Variants in GRM4 observed in about 807,000 individuals in gnomAD.
GRM4 encodes the protein glutamate metabotropic receptor 4, also known as metabotropic glutamate receptor 4.
Under a neutral mutation model 81.7 loss-of-function variants are expected in GRM4, and 28 were observed. That is an observed-to-expected ratio of 0.34 (90% CI 0.25 to 0.47). The LOEUF is 0.47. GRM4 is among the 20% of genes least tolerant of loss of function. The pLI is 1.00. For synonymous variants in GRM4, 488 were observed against 528.8 expected (o/e 0.92, Z 1.06); for missense variants, 948 against 1,290.0 (o/e 0.73, Z 4.06).
rs145156156 is a variant in GRM4 at position 34,074,534 on chromosome 6, T to C, written c.737-12506A>G. On this transcript the variant is annotated intron_variant, in intron 3 of 10. Transcript: ENST00000538487. The surrounding 1 kb of genome is among the most constrained non-coding windows in gnomAD (Gnocchi z 4.9). ...CTCAGAGCTGAGCCCTGCCGTCCCC[T>C]GCCAGGAGAGGAGGCTGCTGGGCGG... 0.037 allele frequency among the ~76,000 whole-genome samples: 5,172 copies of C among 140,410 alleles called. 229 individuals carry two copies. Among genetic ancestry groups the C allele is most frequent in the African/African-American group, 0.11 (3,879 of 33,994 alleles). 92.1% of individuals were successfully genotyped at this position (140,410 alleles called of 152,430 possible).
intron 1 of GRM4, among the ~76,000 whole-genome samples, chr6:34,153,755 C>T (rs533998994): frequency 1.8e-4 from 28 of 152,138 alleles, no homozygotes; most frequent in African/African-American, 4.3e-4. Context: ...GTGTGAACCC[C>T]GTTTCTACTA....
intron 10 of GRM4, chr6:34,024,434 A>G (rs1764033377): frequency 3.3e-6 from 1 of 306,748 alleles, no homozygotes; most frequent in Non-Finnish European, 6.5e-6. Context: ...ACCATGTCCT[A>G]TTACGGCAGA....
At chr6:34,044,433 CAT>C (rs1482203823) in intron 6 of GRM4, among the ~76,000 whole-genome samples, 2 of 148,386 alleles carry the variant, frequency 1.3e-5, no homozygotes, top group Non-Finnish European at 3.0e-5. Context: ...TACACACAGA[CAT>C]ACATACATAC....
In GRM4 at chr6:34,022,950, G is replaced by T; in HGVS notation, c.2690-80C>A. Reference sequence around the variant, plus strand: ...TGTCCTTCCACATGGGCACAGCCCTGCACAAGAACCTACCATAGCTCCCCG... The same window carrying T: ...TGTCCTTCCACATGGGCACAGCCCTTCACAAGAACCTACCATAGCTCCCCG... On this transcript the variant is annotated intron_variant, in intron 10 of 10. Transcript: ENST00000538487. The surrounding 1 kb of genome is among the most constrained non-coding windows in gnomAD (Gnocchi z 5.6). 2.7e-6 allele frequency: 3 copies of T among 1,106,974 alleles called. No homozygotes were observed. Among genetic ancestry groups the T allele is most frequent in the Non-Finnish European group, 4.2e-6 (3 of 719,552 alleles). 68.6% of individuals were successfully genotyped at this position (1,106,974 alleles called of 1,614,324 possible).
intron 2 of GRM4, among the ~76,000 whole-genome samples, chr6:34,119,942 G>A (rs953130683): frequency 3.9e-5 from 6 of 152,152 alleles, no homozygotes; most frequent in African/African-American, 4.8e-5. Context: ...GAGGCAACAC[G>A]CACCCCAGCC....
rs1335052153 is a variant in GRM4, at chr6:34,130,691, T to C, written c.519+2287A>G. On this transcript the variant is annotated intron_variant, in intron 2 of 10. Transcript: ENST00000538487. The surrounding 1 kb of genome is among the most constrained non-coding windows in gnomAD (Gnocchi z 4.1). ...GTGACCATTCCTTGAGCCTTCGCCA[T>C]GTACCAAGTGATGGGGCACTCTCAG... is the stretch of plus-strand genomic sequence containing the variant. Among the ~76,000 whole-genome samples the C allele has an allele frequency of 2.0e-5, 3 of 152,222 alleles. No homozygotes were observed. The highest frequency in any genetic ancestry group is 7.2e-5 in the African/African-American group (3 of 41,458).
chr6:34,149,691 G>A (rs1561840597), upstream of GRM4, among the ~76,000 whole-genome samples: 2 of 152,220 alleles, frequency 1.3e-5, no homozygotes, highest in Non-Finnish European at 2.9e-5. Context: ...TTGATGGCTA[G>A]GGGACAGAGC....
At chr6:34,124,989 T>C (rs1428114291) in intron 2 of GRM4, among the ~76,000 whole-genome samples, 1 of 152,020 alleles carries the variant, frequency 6.6e-6, no homozygotes, top group East Asian at 1.9e-4. Context: ...CTTTTTTTTT[T>C]CTGAGACATA....
intron 8 of GRM4, among the ~76,000 whole-genome samples, chr6:34,038,948 G>A (rs1236283850): frequency 6.6e-6 from 1 of 152,250 alleles, no homozygotes; most frequent in Non-Finnish European, 1.5e-5. Flanking sequence ...GCTTAGAGTA[G>A]CAGCTCGGAC....
chr6:34,107,320 C>A (rs1203771090), intron 2 of GRM4, among the ~76,000 whole-genome samples: 1 of 152,166 alleles, frequency 6.6e-6, no homozygotes, highest in African/African-American at 2.4e-5. Flanking sequence ...TATGGCTCCA[C>A]CCCATGATGG....
intron 2 of GRM4, among the ~76,000 whole-genome samples, chr6:34,124,979 C>CT (rs1368886559): frequency 2.0e-5 from 3 of 150,058 alleles, no homozygotes; most frequent in South Asian, 2.1e-4. Context: ...TCCACACTTA[C>CT]TTTTTTTTTT....
chr6:34,123,407 C>G (rs1431968455), intron 2 of GRM4, among the ~76,000 whole-genome samples: 1 of 152,162 alleles, frequency 6.6e-6, no homozygotes, highest in Admixed American at 6.5e-5. Flanking sequence ...GATGCTCCTT[C>G]GGCAGGAGAT....
intron 6 of GRM4, among the ~76,000 whole-genome samples, chr6:34,051,754 G>A (rs1229211419): frequency 1.3e-5 from 2 of 152,192 alleles, no homozygotes; most frequent in Non-Finnish European, 2.9e-5. Flanking sequence ...CCATCTGCAA[G>A]TGCTTCCTGC....
chr6:34,088,249 A>G (rs773805553), intron 3 of GRM4, among the ~76,000 whole-genome samples: 2 of 151,958 alleles, frequency 1.3e-5, no homozygotes, highest in Non-Finnish European at 2.9e-5. Flanking sequence ...CAGCCTCCCA[A>G]GTAGCTTGGG....
rs12205473 is a variant in GRM4 at position 34,115,167 on chromosome 6, G to A, written c.519+17811C>T. Among the ~76,000 whole-genome samples the A allele has an allele frequency of 0.43, 65,690 of 151,996 alleles. 15,901 individuals carry two copies. The highest frequency in any genetic ancestry group is 0.53 in the Non-Finnish European group (36,316 of 67,930). On this transcript the variant is annotated intron_variant, in intron 2 of 10. Coordinates refer to ENST00000538487, the MANE Select transcript of GRM4 (RefSeq NM_000841.4). This position sits in a 1 kb window ranked among gnomAD's most constrained non-coding sequence, Gnocchi z 4.1. ...CAGGGCCCTGCCTAAACGCCAACAC[G>A]CTGCCTCTGGGCCAGCCACCAGCCA... is the stretch of plus-strand genomic sequence containing the variant.
rs1769495203 is a variant in GRM4, at chr6:34,114,212, CT to C, written c.519+18765del. Among the ~76,000 whole-genome samples, 1 of 152,218 alleles carries C rather than the reference CT, an allele frequency of 6.6e-6. No individual in the cohort carries two copies. The highest frequency in any genetic ancestry group is 2.4e-5 in the African/African-American group (1 of 41,446). On this transcript the variant is annotated intron_variant, in intron 2 of 10. Transcript: ENST00000538487. The surrounding 1 kb of genome is among the most constrained non-coding windows in gnomAD (Gnocchi z 4.3). ...TAAGTGATTACATCATGTCTCCTGT[CT>C]TTCTTCCCACTCCAGAAGGTCAGCT...
Position 34,090,417 on chromosome 6 carries a change from C to G in GRM4, c.736+1466G>C, listed in dbSNP as rs1768139676. On this transcript the variant is annotated intron_variant, in intron 3 of 10. Transcript: ENST00000538487. This position sits in a 1 kb window ranked among gnomAD's most constrained non-coding sequence, Gnocchi z 5.2. ...AGAGGTAGGTGCCCAGGTCTTGGGTCTGAGCAAAGGAGGAAAGGACATGTG... is the reference window on the plus strand; with the variant it reads ...AGAGGTAGGTGCCCAGGTCTTGGGTGTGAGCAAAGGAGGAAAGGACATGTG... Among the ~76,000 whole-genome samples the G allele has an allele frequency of 6.6e-6, 1 of 152,070 alleles. No individual in the cohort carries two copies. Among genetic ancestry groups the G allele is most frequent in the Non-Finnish European group, 1.5e-5 (1 of 68,008 alleles).
chr6:34,095,579 G>C (rs958132864), intron 2 of GRM4, among the ~76,000 whole-genome samples: 3 of 152,210 alleles, frequency 2.0e-5, no homozygotes. Context: ...AACAGTGCCT[G>C]GCAGGCGGTA....
intron 1 of GRM4, among the ~76,000 whole-genome samples, chr6:34,154,590 T>TACACACACACACACACACACAC: frequency 6.9e-6 from 1 of 145,096 alleles, no homozygotes; most frequent in Admixed American, 6.8e-5. Flanking sequence ...TGGTCCTGAC[T>TACACACACACACACACACACAC]ACACACACAC....
Sources: allele counts gnomAD v4.1 joint callset (sites outside exome capture counted in the v4.1 genomes callset), GRCh38; gene constraint gnomAD v4.1.1; non-coding constraint Gnocchi (gnomAD v3.1); transcripts MANE v1.5; gene names NCBI Gene and HGNC (gene_info 2026-07-23, HGNC 2026-07-21).